Variants in EML6 observed in about 807,000 individuals in gnomAD.
The protein encoded by EML6 is EMAP like 6.
In EML6, 154 loss-of-function variants were observed where a neutral mutation model predicts 240.1. The observed-to-expected ratio is 0.64, with a 90% CI of 0.56 to 0.73. The LOEUF is 0.73. Among genes scored for constraint, EML6 ranks in the 30% least tolerant of loss-of-function variants. The pLI is 0.00. For synonymous variants in EML6, 1,148 were observed against 899.0 expected (o/e 1.28, Z -4.95); for missense variants, 2,964 against 2,474.6 (o/e 1.20, Z -4.20).
intron 25 of EML6, among the ~76,000 whole-genome samples, chr2:54,911,285 A>T (rs879115378): frequency 6.6e-6 from 1 of 152,208 alleles, no homozygotes; most frequent in Admixed American, 6.5e-5. Context: ...CCTGAAGACA[A>T]TGAATAAGCT....
chr2:54,872,512 C>G (rs189260826), intron 16 of EML6, among the ~76,000 whole-genome samples: 6 of 152,316 alleles, frequency 3.9e-5, no homozygotes, highest in Admixed American at 2.0e-4. Context: ...ATTCTATCCC[C>G]TCTTCCTCAG....
chr2:54,727,591 T>C (rs564368222), intron 2 of EML6, among the ~76,000 whole-genome samples: 3 of 152,358 alleles, frequency 2.0e-5, no homozygotes, highest in African/African-American at 4.8e-5. Context: ...ACCTGAAATA[T>C]TGAAGTTTGT....
intron 28 of EML6, among the ~76,000 whole-genome samples, chr2:54,936,506 T>TA (rs1025721600): frequency 1.3e-5 from 2 of 152,240 alleles, no homozygotes; most frequent in African/African-American, 4.8e-5. Flanking sequence ...CCCAACTTTA[T>TA]AATAAGATAC....
chr2:54,748,818 C>G (rs925995478), intron 2 of EML6, among the ~76,000 whole-genome samples: 7 of 152,164 alleles, frequency 4.6e-5, no homozygotes, highest in Admixed American at 4.6e-4. Flanking sequence ...CCACCTTGGC[C>G]TTTTAAAATG....
At chr2:54,777,596 A>G (rs1402435989) in intron 2 of EML6, among the ~76,000 whole-genome samples, 1 of 152,168 alleles carries the variant, frequency 6.6e-6, no homozygotes, top group East Asian at 1.9e-4. Context: ...TATGGTCCTC[A>G]TTTAACTCCT....
chr2:54,813,852 T>C lies in EML6; in HGVS notation c.357+461T>C, dbSNP rs1039773715. The stretch of plus-strand genomic sequence containing the variant: ...ACTCTTTACCCCTTGATGTCACTTT[T>C]AGCTGCTTCTACCTGTCCTCTCCCA... On this transcript the variant is annotated intron_variant, in intron 3 of 41. Coordinates refer to ENST00000356458, the MANE Select transcript of EML6 (RefSeq NM_001039753.4). Among the ~76,000 whole-genome samples, 3 of 152,222 alleles carry C rather than the reference T, an allele frequency of 2.0e-5. No individual in the cohort carries two copies. The East Asian group carries it at 5.8e-4, about 29-fold the overall frequency.
chr2:54,871,928 AGCTGTT>A (rs1671279836), intron 16 of EML6, among the ~76,000 whole-genome samples: 1 of 152,256 alleles, frequency 6.6e-6, no homozygotes, highest in Non-Finnish European at 1.5e-5. Context: ...AATCCAGAGC[AGCTGTT>A]GCTGTTGACT....
intron 6 of EML6, 117 bp downstream of exon 6, chr2:54,827,868 C>G (rs1668672205): frequency 5.9e-6 from 4 of 675,394 alleles, no homozygotes; most frequent in African/African-American, 3.6e-5. Context: ...TGAACACTCC[C>G]TACTCATGAT....
intron 12 of EML6, among the ~76,000 whole-genome samples, chr2:54,861,726 C>T (rs1573020730): frequency 6.6e-6 from 1 of 151,456 alleles, no homozygotes; most frequent in East Asian, 1.9e-4. Flanking sequence ...TGAGATCCTT[C>T]TCCTATACAA....
rs573074102 is a variant in EML6 at position 54,916,450 on chromosome 2, C to G, written c.3499-309C>G. On this transcript the variant is annotated intron_variant, in intron 25 of 41. Transcript: ENST00000356458. ...CTGGCGTTGGGGAATCTGGATCCAGCTTATGGCTTATACAATGATAAATGT... is the reference window on the plus strand; with the variant it reads ...CTGGCGTTGGGGAATCTGGATCCAGGTTATGGCTTATACAATGATAAATGT... Among the ~76,000 whole-genome samples the G allele has an allele frequency of 2.0e-5, 3 of 152,276 alleles. No homozygotes were observed. The East Asian group carries it at 5.8e-4, about 29-fold the overall frequency.
At chr2:54,847,292 C>A (rs12465327) in intron 8 of EML6, among the ~76,000 whole-genome samples, 194 bp from the exon 9 acceptor site, 63,701 of 151,844 alleles carry the variant, frequency 0.42, 13,641 homozygotes, top group South Asian at 0.56. Flanking sequence ...TCCTTCAAAT[C>A]ATGAAAATGA....
In EML6 at chr2:54,863,775, C is replaced by G. The variant is rs780962493; in HGVS notation, c.1826-8C>G. On this transcript the variant is annotated splice_polypyrimidine_tract_variant and splice_region_variant and intron_variant, in intron 12 of 41. Coordinates refer to ENST00000356458, the MANE Select transcript of EML6 (RefSeq NM_001039753.4). ...TTTGCTTGTTTCTTGTGGGTTGTATCTCTGCAGAAGGTGGAGCTGATTCCT... is the reference window on the plus strand; with the variant it reads ...TTTGCTTGTTTCTTGTGGGTTGTATGTCTGCAGAAGGTGGAGCTGATTCCT... 1 of 1,484,866 alleles carries G rather than the reference C, an allele frequency of 6.7e-7. No individual in the cohort carries two copies. Among genetic ancestry groups the G allele is most frequent in the Non-Finnish European group, 9.2e-7 (1 of 1,090,138 alleles). 92.0% of individuals were successfully genotyped at this position (1,484,866 alleles called of 1,614,324 possible).
chr2:54,846,347 C>T (rs969140904), intron 8 of EML6, among the ~76,000 whole-genome samples: 4 of 151,674 alleles, frequency 2.6e-5, no homozygotes, highest in Admixed American at 6.6e-5. Context: ...TATATATTTA[C>T]ATACATATAT....
Position 54,725,038 on chromosome 2 carries a change from G to GGGGGCGC in EML6, c.-22_-16dup. 6.7e-7 allele frequency: 1 copy of GGGGGCGC among 1,491,102 alleles called. No individual in the cohort carries two copies. The highest frequency in any genetic ancestry group is 8.9e-7 in the Non-Finnish European group (1 of 1,120,834). The allele number at this position is 1,491,102 out of a possible 1,614,324, so 92.4% of individuals were successfully genotyped here. ...GACGGCCCCGGCGCGCGGGGGGGCG[G>GGGGGCGC]GGGGCGCGCGGGGTCGGCTTATCAT... On this transcript the variant is annotated 5_prime_UTR_variant, in exon 2 of 42. Coordinates refer to ENST00000356458, the MANE Select transcript of EML6 (RefSeq NM_001039753.4). The surrounding 1 kb of genome is among the most constrained non-coding windows in gnomAD (Gnocchi z 4.3).
intron 28 of EML6, among the ~76,000 whole-genome samples, chr2:54,941,591 A>G (rs1056654498): frequency 2.0e-5 from 3 of 152,240 alleles, no homozygotes; most frequent in Non-Finnish European, 2.9e-5. Context: ...GCTCAATCCT[A>G]TCTTGAAGCT....
chr2:54,869,033 C>T (rs1348578465), intron 14 of EML6, 148 bp from the exon 15 acceptor site: 3 of 535,672 alleles, frequency 5.6e-6, no homozygotes, highest in South Asian at 6.8e-5. Context: ...GGCCACATAT[C>T]CTCATTTAAA....
intron 7 of EML6, among the ~76,000 whole-genome samples, chr2:54,838,852 A>G (rs1457801381): frequency 1.3e-5 from 2 of 152,232 alleles, no homozygotes; most frequent in African/African-American, 4.8e-5. Flanking sequence ...AAACGCCTTC[A>G]GTTCACAGTG....
At chr2:54,789,236 G>T (rs1460879302) in intron 2 of EML6, among the ~76,000 whole-genome samples, 3 of 151,996 alleles carry the variant, frequency 2.0e-5, no homozygotes, top group Admixed American at 1.3e-4. Context: ...CTTTCCGGCC[G>T]GGCGCGGTGG....
rs555234169 is a variant in EML6, at chr2:54,910,923, A to T, written c.3410-31A>T. On this transcript the variant is annotated intron_variant, in intron 24 of 41. Coordinates refer to ENST00000356458, the MANE Select transcript of EML6 (RefSeq NM_001039753.4). ...AATAAAGAGATAAAGTCAGATTTTA[A>T]TTATCTCTCTACTTCGTTCTGTCGT... The T allele has an allele frequency of 1.5e-4, 170 of 1,136,902 alleles. 2 individuals carry two copies. In the African/African-American group the frequency reaches 2.5e-3, roughly 17 times the overall value. 70.4% of individuals were successfully genotyped at this position (1,136,902 alleles called of 1,614,324 possible). A position where few individuals can be genotyped will look rare whatever the true frequency, so the allele number is the denominator to read the frequency against.
Sources: allele counts gnomAD v4.1 joint callset (sites outside exome capture counted in the v4.1 genomes callset), GRCh38; gene constraint gnomAD v4.1.1; non-coding constraint Gnocchi (gnomAD v3.1); transcripts MANE v1.5; gene names NCBI Gene and HGNC (gene_info 2026-07-23, HGNC 2026-07-21).